Variants in ARHGAP24 observed in about 807,000 individuals in gnomAD.
ARHGAP24 encodes rho GTPase-activating protein 24.
ARHGAP24 carries 50 observed loss-of-function variants against 76.4 expected under a neutral mutation model. That is an observed-to-expected ratio of 0.65 (90% confidence interval 0.52 to 0.83). The LOEUF is 0.83. Ranked by LOEUF, ARHGAP24 falls within the 40% of genes least tolerant of loss-of-function variation. The pLI, the probability that ARHGAP24 is intolerant of heterozygous loss-of-function variation, is 0.00. For synonymous variants in ARHGAP24, 345 were observed against 323.3 expected (o/e 1.07, Z -0.72); for missense variants, 930 against 914.2 (o/e 1.02, Z -0.22).
chr4:85,683,112 GGGGGT>G (rs1291149171), intron 2 of ARHGAP24, among the ~76,000 whole-genome samples: 2 of 103,516 alleles, frequency 1.9e-5, no homozygotes, highest in African/African-American at 3.7e-5. Flanking sequence ...CAGTGTGTGG[GGGGGT>G]GGGGGGGGGG....
intron 3 of ARHGAP24, among the ~76,000 whole-genome samples, chr4:85,751,585 C>T (rs1455830873): frequency 6.6e-6 from 1 of 152,186 alleles, no homozygotes; most frequent in Non-Finnish European, 1.5e-5. Flanking sequence ...TAATTTCTAA[C>T]AGCTGTTGAA....
rs555815272 is a variant in ARHGAP24, at chr4:85,943,425, G to A, written c.599+1152G>A. 4.6e-5 allele frequency among the ~76,000 whole-genome samples: 7 copies of A among 152,158 alleles called. No homozygotes were observed. The East Asian group carries it at 1.3e-3, about 29-fold the overall frequency. On this transcript the variant is annotated intron_variant, in intron 5 of 9. Transcript: ENST00000395184. ...GCACCTTTTCACTGTGCCCTCAGAT[G>A]GTGGAAGGTACAAGGCAGCTCTCTG...
At chr4:85,849,325 T>C (rs1578295059) in intron 3 of ARHGAP24, among the ~76,000 whole-genome samples, 1 of 151,612 alleles carries the variant, frequency 6.6e-6, no homozygotes, top group Non-Finnish European at 1.5e-5. Flanking sequence ...TGAAGTTGCT[T>C]ATCAGCTTAA....
At chr4:85,702,083 A>G (rs1292639303) in intron 2 of ARHGAP24, among the ~76,000 whole-genome samples, 1 of 152,116 alleles carries the variant, frequency 6.6e-6, no homozygotes, top group Non-Finnish European at 1.5e-5. Flanking sequence ...CAGCCTATGA[A>G]TGTGTGTCTC....
intron 2 of ARHGAP24, among the ~76,000 whole-genome samples, chr4:85,675,541 T>G (rs1008059262): frequency 6.6e-6 from 1 of 152,158 alleles, no homozygotes. Context: ...GGTAACAATT[T>G]ATGGATAACC....
chr4:85,531,588 T>C (rs1725261332), intron 1 of ARHGAP24, among the ~76,000 whole-genome samples: 1 of 152,122 alleles, frequency 6.6e-6, no homozygotes, highest in African/African-American at 2.4e-5. Context: ...TTTTGTTTTA[T>C]TAAATCCTTA....
intron 3 of ARHGAP24, among the ~76,000 whole-genome samples, chr4:85,785,540 A>T (rs1412674771): frequency 1.3e-5 from 2 of 151,974 alleles, no homozygotes; most frequent in African/African-American, 2.4e-5. Flanking sequence ...AGTAAAACAG[A>T]TTTTTTTTCT....
chr4:85,724,215 T>A (rs1359671660), intron 3 of ARHGAP24, among the ~76,000 whole-genome samples: 1 of 152,124 alleles, frequency 6.6e-6, no homozygotes, highest in Non-Finnish European at 1.5e-5. Flanking sequence ...CTTCTGAAAA[T>A]CTATCATAAA....
chr4:85,881,184 G>A (rs1302199264), intron 3 of ARHGAP24, among the ~76,000 whole-genome samples: 1 of 152,128 alleles, frequency 6.6e-6, no homozygotes, highest in African/African-American at 2.4e-5. Context: ...TGGATACACT[G>A]GACAAAAGGA....
rs146524249 is a variant in ARHGAP24, at chr4:85,660,772, G to C, written c.181-61113G>C. ...GATCGCGCCACAGCACTCTAGCCTG[G>C]TGACAGAGAGAGACTCCGTCTCAAA... On this transcript the variant is annotated intron_variant, in intron 2 of 9. Transcript: ENST00000395184. 1.3e-3 allele frequency among the ~76,000 whole-genome samples: 148 copies of C among 112,000 alleles called. 1 individual carries two copies. The South Asian group carries it at 0.025, about 19-fold the overall frequency. The allele number at this position is 112,000 out of a possible 152,430, so 73.5% of individuals were successfully genotyped here. A position where few individuals can be genotyped will look rare whatever the true frequency, so the allele number is the denominator to read the frequency against.
chr4:85,979,034 T>A (rs548331693), intron 8 of ARHGAP24, among the ~76,000 whole-genome samples: 2 of 152,212 alleles, frequency 1.3e-5, no homozygotes, highest in Non-Finnish European at 1.5e-5. Flanking sequence ...TTGTAGAGTT[T>A]CCCGTAGTCT....
At chr4:85,929,386 G>A (rs1304525234) in intron 4 of ARHGAP24, among the ~76,000 whole-genome samples, 1 of 152,228 alleles carries the variant, frequency 6.6e-6, no homozygotes, top group Non-Finnish European at 1.5e-5. Flanking sequence ...GTCTTGTAAA[G>A]CTTCTGCCAA....
chr4:85,789,067 G>T (rs1727994179), intron 3 of ARHGAP24, among the ~76,000 whole-genome samples: 1 of 151,898 alleles, frequency 6.6e-6, no homozygotes. Context: ...TCCAGCATAG[G>T]GTCTGGTCTC....
Position 85,834,985 on chromosome 4 carries a change from A to T in ARHGAP24, c.269-88663A>T, listed in dbSNP as rs1442651860. Among the ~76,000 whole-genome samples the T allele has an allele frequency of 2.0e-5, 3 of 152,324 alleles. No individual in the cohort carries two copies. In the East Asian group the frequency reaches 5.8e-4, roughly 29 times the overall value. ...AATGACTAAGTATCAGAATAAAAAA[A>T]CTTCACTCCTTGGCTTTCATGGATC... is the stretch of plus-strand genomic sequence containing the variant. On this transcript the variant is annotated intron_variant, in intron 3 of 9. Transcript: ENST00000395184.
intron 3 of ARHGAP24, among the ~76,000 whole-genome samples, chr4:85,780,172 T>TTTTTTAG (rs975031852): frequency 2.0e-5 from 3 of 151,876 alleles, no homozygotes; most frequent in Non-Finnish European, 4.4e-5. Flanking sequence ...TTATTTTTTA[T>TTTTTTAG]TTTTTAGTTT....
chr4:85,672,902 T>C (rs1325815179), intron 2 of ARHGAP24, among the ~76,000 whole-genome samples: 1 of 152,206 alleles, frequency 6.6e-6, no homozygotes, highest in Non-Finnish European at 1.5e-5. Flanking sequence ...TCTGCAACCA[T>C]AGTGGTGTAA....
At chr4:85,484,802 A>G (rs1273815120) in intron 1 of ARHGAP24, among the ~76,000 whole-genome samples, 3 of 151,898 alleles carry the variant, frequency 2.0e-5, no homozygotes, top group African/African-American at 7.3e-5. Flanking sequence ...TTTTTAGTAG[A>G]GATGGGGTTT....
chr4:85,974,056 C>T (rs1284406509), intron 6 of ARHGAP24, among the ~76,000 whole-genome samples: 1 of 147,120 alleles, frequency 6.8e-6, no homozygotes, highest in Non-Finnish European at 1.5e-5. Flanking sequence ...GGGGGTTTCA[C>T]CTTGTTAGCC....
chr4:85,630,976 CATACACACACGTATAT>C (rs1207774135), intron 2 of ARHGAP24, among the ~76,000 whole-genome samples: 1 of 151,876 alleles, frequency 6.6e-6, no homozygotes, highest in Non-Finnish European at 1.5e-5. Flanking sequence ...TATTCACTGC[CATACACACACGTATAT>C]ATACACACAC....
Sources: allele counts gnomAD v4.1 joint callset (sites outside exome capture counted in the v4.1 genomes callset), GRCh38; gene constraint gnomAD v4.1.1; transcripts MANE v1.5; gene names NCBI Gene and HGNC (gene_info 2026-07-23, HGNC 2026-07-21).